The following PCDHAC1 variants were observed in gnomAD, a reference collection of about 807,000 sequenced individuals.
PCDHAC1 encodes the protein protocadherin alpha-C1.
PCDHAC1 carries 42 observed loss-of-function variants against 60.0 expected under a neutral mutation model. The ratio of observed to expected loss-of-function variants is 0.70; its 90% CI spans 0.55 to 0.90. The LOEUF (loss-of-function observed/expected upper bound fraction) is 0.90, where lower values mean the gene tolerates loss of function less well. Ranked by LOEUF, PCDHAC1 falls within the 40% of genes least tolerant of loss-of-function variation. PCDHAC1 has a pLI of 0.00. For missense variants in PCDHAC1, 1,160 were observed against 1,222.3 expected, an observed-to-expected ratio of 0.95 and a Z score of 0.76; for synonymous variants, 468 against 499.3, an observed-to-expected ratio of 0.94 and a Z score of 0.84.
chr5:140,932,474 A>G (rs1444534569), intron 1 of PCDHAC1, among the ~76,000 whole-genome samples: 1 of 151,904 alleles, frequency 6.6e-6, no homozygotes, highest in African/African-American at 2.4e-5. Context: ...AGGAAATAGG[A>G]TATCTCCTCT....
At chr5:140,992,805 A>G (rs2097529327) in intron 3 of PCDHAC1, among the ~76,000 whole-genome samples, 1 of 152,078 alleles carries the variant, frequency 6.6e-6, no homozygotes, top group Non-Finnish European at 1.5e-5. Flanking sequence ...ATCCATATGT[A>G]TCTAAGGATG....
chr5:140,991,374 G>A (rs537981449), intron 3 of PCDHAC1, among the ~76,000 whole-genome samples: 2 of 152,286 alleles, frequency 1.3e-5, no homozygotes, highest in South Asian at 4.1e-4. Context: ...TGAGTTCTAG[G>A]CCAACTGTAG....
At chr5:140,960,823 G>A (rs370898808) in intron 1 of PCDHAC1, among the ~76,000 whole-genome samples, 2 of 152,012 alleles carry the variant, frequency 1.3e-5, no homozygotes, top group East Asian at 3.9e-4. Context: ...AGTGATGAAT[G>A]GAAACTTGGA....
intron 1 of PCDHAC1, among the ~76,000 whole-genome samples, chr5:140,974,144 A>G (rs868918794): frequency 5.9e-5 from 9 of 152,268 alleles, no homozygotes; most frequent in African/African-American, 1.7e-4. Context: ...CCTGAAAACT[A>G]TACAAGGGTT....
chr5:140,945,992 G>T (rs1271634546), intron 1 of PCDHAC1, among the ~76,000 whole-genome samples: 1 of 151,978 alleles, frequency 6.6e-6, no homozygotes, highest in Non-Finnish European at 1.5e-5. Flanking sequence ...CTAATGGATT[G>T]CATCAAACTA....
intron 3 of PCDHAC1, among the ~76,000 whole-genome samples, chr5:141,004,566 T>C (rs2098171206): frequency 6.6e-6 from 1 of 152,186 alleles, no homozygotes; most frequent in Non-Finnish European, 1.5e-5. Context: ...GATGAACATA[T>C]CTCTGTGTTC....
At chr5:140,959,570 T>C (rs1324858058) in intron 1 of PCDHAC1, among the ~76,000 whole-genome samples, 1 of 152,184 alleles carries the variant, frequency 6.6e-6, no homozygotes. Context: ...ACTAGATTTT[T>C]TGTTTCAATT....
intron 1 of PCDHAC1, among the ~76,000 whole-genome samples, chr5:140,941,259 T>TTCTTTCTTTC (rs1554214226): frequency 2.6e-4 from 32 of 121,828 alleles, no homozygotes; most frequent in African/African-American, 6.8e-4. Flanking sequence ...TTCTTTCTCT[T>TTCTTTCTTTC]TCTTTCTTTC....
At position 140,928,406 on chromosome 5, in the gene PCDHAC1, G is replaced by T. The variant is rs782285182; in HGVS notation, c.1514G>T (p.Gly505Val). Residue 505 changes from glycine (G) to valine (V), a missense_variant, in exon 1 of 4, where the codon GGG (glycine) becomes GTG (valine). Gly to Val is a moderately radical substitution (Grantham distance 109). This residue lies in a region of PCDHAC1 where 1,113 missense variants were observed against 1,163.7 expected (regional missense o/e 0.96). Coordinates refer to ENST00000253807, the MANE Select transcript of PCDHAC1 (RefSeq NM_018898.5). Reference protein sequence around the residue: ...SSLLAVESSSGAITAKTSFDF... With the variant: ...SSLLAVESSSVAITAKTSFDF... ...TTGCTGGCAGTGGAATCATCCAGTG[G>T]GGCCATCACTGCCAAAACTTCCTTT... 3 of 1,614,050 alleles carry T rather than the reference G, an allele frequency of 1.9e-6. No individual in the cohort carries two copies. The Admixed American group carries it at 5.0e-5, about 27-fold the overall frequency.
intron 3 of PCDHAC1, among the ~76,000 whole-genome samples, chr5:141,002,682 G>C (rs536105955): frequency 6.6e-6 from 1 of 152,140 alleles, no homozygotes; most frequent in African/African-American, 2.4e-5. Context: ...CCTATACGAC[G>C]TGCAGATTTG....
Position 140,935,377 on chromosome 5 carries a change from C to T in PCDHAC1, c.2433+6052C>T, listed in dbSNP as rs139207351. On this transcript the variant is annotated intron_variant, in intron 1 of 3. Coordinates refer to ENST00000253807, the MANE Select transcript of PCDHAC1 (RefSeq NM_018898.5). ...GTTTTCATTAACGTCAACAGAATTA[C>T]TCATTTGTTATCCCACGGGACTCAA... is the stretch of plus-strand genomic sequence containing the variant. Among the ~76,000 whole-genome samples the T allele has an allele frequency of 1.3e-4, 20 of 152,332 alleles. No individual in the cohort carries two copies. In the East Asian group the frequency reaches 3.1e-3, roughly 23 times the overall value.
rs77078209 is a variant in PCDHAC1 at position 140,927,973 on chromosome 5, C to T, written c.1081C>T (p.Leu361Phe). ...EDAAPGTVIA[L>F]FSVKDEDLDS... ...CGCTGCCCCTGGCACAGTGATTGCT[C>T]TCTTTAGTGTAAAGGATGAAGACCT... Residue 361 changes from leucine to phenylalanine, a missense_variant, in exon 1 of 4, where the codon CTC becomes TTC. By Grantham distance (22) the Leu-to-Phe change is conservative. Transcript: ENST00000253807. The T allele has an allele frequency of 1.9e-6, 3 of 1,614,216 alleles. No individual in the cohort carries two copies. The East Asian group carries it at 6.7e-5, about 36-fold the overall frequency.
At position 140,950,241 on chromosome 5, in the gene PCDHAC1, G is replaced by A. The variant is rs191139851; in HGVS notation, c.2433+20916G>A. 3.8e-4 allele frequency among the ~76,000 whole-genome samples: 58 copies of A among 152,014 alleles called. 1 individual carries two copies. The highest frequency in any genetic ancestry group is 6.8e-3 in the Middle Eastern group (2 of 294). On this transcript the variant is annotated intron_variant, in intron 1 of 3. Coordinates refer to ENST00000253807, the MANE Select transcript of PCDHAC1 (RefSeq NM_018898.5). The stretch of plus-strand genomic sequence containing the variant: ...TTACCATTTCTAGTGCCATTAATTT[G>A]TTCCTAAAGAGCTGAGTTTATCCAT...
chr5:140,960,482 G>GTGTA (rs1585840878), intron 1 of PCDHAC1, among the ~76,000 whole-genome samples: 1 of 152,150 alleles, frequency 6.6e-6, no homozygotes, highest in Non-Finnish European at 1.5e-5. Context: ...TTACACAGAG[G>GTGTA]TGTAGGTTTG....
intron 1 of PCDHAC1, among the ~76,000 whole-genome samples, chr5:140,941,214 C>CTTCCTTTCTTT (rs1554214039): frequency 8.2e-6 from 1 of 122,414 alleles, no homozygotes; most frequent in Non-Finnish European, 1.7e-5. Context: ...TTTCTTTCTT[C>CTTCCTTTCTTT]CTTTCTTTCT....
At chr5:140,976,585 C>A (rs1415996919) in intron 1 of PCDHAC1, among the ~76,000 whole-genome samples, 1 of 152,064 alleles carries the variant, frequency 6.6e-6, no homozygotes, top group African/African-American at 2.4e-5. Flanking sequence ...AAAACACAGA[C>A]TTTTGTGTTA....
Position 140,928,652 on chromosome 5 carries a change from A to T in PCDHAC1, c.1760A>T (p.Asp587Val). 6.2e-7 allele frequency: 1 copy of T among 1,614,188 alleles called. No homozygotes were observed. Among genetic ancestry groups the T allele is most frequent in the Non-Finnish European group, 8.5e-7 (1 of 1,180,038 alleles). The stretch of plus-strand genomic sequence containing the variant: ...TTGGTCACAAAAGTGGTAGCAGAGG[A>T]TGCTGACAGTGGTTCTAATGCCTGG... ...GHLVTKVVAEDADSGSNAWLS... is the reference protein window; with the variant it reads ...GHLVTKVVAEVADSGSNAWLS... The change falls in exon 1 of 4, where the codon GAT becomes GTT. Residue 587 changes from aspartate to valine, a missense_variant. Around this residue, in one of 3 missense-constraint regions of PCDHAC1, gnomAD observed 1,113 missense variants for 1,163.7 expected, o/e 0.96. Coordinates refer to ENST00000253807, the MANE Select transcript of PCDHAC1 (RefSeq NM_018898.5).
At chr5:140,983,062 G>A (rs575564004) in intron 3 of PCDHAC1, among the ~76,000 whole-genome samples, 2 of 152,168 alleles carry the variant, frequency 1.3e-5, no homozygotes, top group South Asian at 4.2e-4. Context: ...TCGGAACCAA[G>A]GCATTGTTTT....
intron 1 of PCDHAC1, among the ~76,000 whole-genome samples, chr5:140,974,549 T>C (rs373257165): frequency 6.6e-6 from 1 of 152,216 alleles, no homozygotes; most frequent in African/African-American, 2.4e-5. Context: ...TTTGCTCTTG[T>C]TGCCCAGGCT....
Sources: allele counts gnomAD v4.1 joint callset (sites outside exome capture counted in the v4.1 genomes callset), GRCh38; gene constraint gnomAD v4.1.1; regional missense constraint gnomAD v4.1.1; transcripts MANE v1.5; gene names NCBI Gene and HGNC (gene_info 2026-07-23, HGNC 2026-07-21).